Variants in PLCB4 observed in about 807,000 individuals in gnomAD.
PLCB4 encodes the protein 1-phosphatidylinositol 4,5-bisphosphate phosphodiesterase beta-4.
Under a neutral mutation model 178.8 loss-of-function variants are expected in PLCB4, and 77 were observed. The ratio of observed to expected loss-of-function variants is 0.43; its 90% confidence interval spans 0.36 to 0.52. PLCB4 has a LOEUF of 0.52. PLCB4 is among the 20% of genes least tolerant of loss of function. PLCB4 has a pLI of 0.00. For missense variants in PLCB4, 1,024 were observed against 1,453.4 expected (o/e 0.70, Z 4.80); for synonymous variants, 496 against 490.8 (o/e 1.01, Z -0.14).
At position 9,210,797 on chromosome 20, in the gene PLCB4, G is replaced by T. The variant is rs143846812; in HGVS notation, c.-78-6593G>T. ...CCTAGAGAATTAGTATATGGGGGCA[G>T]TTCCAGAGACTGAGAGAATTGGAGG... On this transcript the variant is annotated intron_variant, in intron 2 of 39. Coordinates refer to ENST00000378473, the MANE Select transcript of PLCB4 (RefSeq NM_001377142.1). 2.1e-3 allele frequency among the ~76,000 whole-genome samples: 316 copies of T among 152,304 alleles called. 1 individual carries two copies. The highest frequency in any genetic ancestry group is 7.0e-3 in the African/African-American group (292 of 41,568).
At chr20:9,415,603 T>A (rs2040186277) in intron 25 of PLCB4, among the ~76,000 whole-genome samples, 1 of 152,244 alleles carries the variant, frequency 6.6e-6, no homozygotes, top group Non-Finnish European at 1.5e-5. Context: ...CTTGGATCCC[T>A]GTCTTGGCAT....
intron 38 of PLCB4, among the ~76,000 whole-genome samples, chr20:9,476,135 C>A (rs1309759581): frequency 6.6e-6 from 1 of 152,202 alleles, no homozygotes; most frequent in African/African-American, 2.4e-5. Context: ...GTTGGGGGCA[C>A]TGGCAGAAAC....
intron 3 of PLCB4, among the ~76,000 whole-genome samples, chr20:9,276,107 A>T (rs1434933070): frequency 6.6e-6 from 1 of 152,082 alleles, no homozygotes; most frequent in Non-Finnish European, 1.5e-5. Flanking sequence ...AAAGAGGACC[A>T]CAAACATGTA....
intron 9 of PLCB4, among the ~76,000 whole-genome samples, chr20:9,369,244 A>C (rs888524101): frequency 1.3e-5 from 2 of 152,150 alleles, no homozygotes; most frequent in Non-Finnish European, 2.9e-5. Context: ...GGCATGTCCA[A>C]ACCTAACAGA....
At chr20:9,418,923 G>C (rs1344987349) in intron 25 of PLCB4, among the ~76,000 whole-genome samples, 4 of 151,978 alleles carry the variant, frequency 2.6e-5, no homozygotes, top group Non-Finnish European at 4.4e-5. Flanking sequence ...ATATTTTGCT[G>C]TTGTTATAGA....
At chr20:9,316,862 G>A (rs2094905441) in intron 4 of PLCB4, among the ~76,000 whole-genome samples, 1 of 152,142 alleles carries the variant, frequency 6.6e-6, no homozygotes, top group Non-Finnish European at 1.5e-5. Context: ...TGAAATAACA[G>A]TGCTGATAAT....
At chr20:9,283,842 T>C (rs980820362) in intron 3 of PLCB4, among the ~76,000 whole-genome samples, 1 of 151,740 alleles carries the variant, frequency 6.6e-6, no homozygotes, top group African/African-American at 2.4e-5. Context: ...CTTTATTCCC[T>C]TTCTATTATA....
chr20:9,407,526 C>T (rs2039537045), intron 21 of PLCB4, among the ~76,000 whole-genome samples: 1 of 152,098 alleles, frequency 6.6e-6, no homozygotes, highest in South Asian at 2.1e-4. Context: ...CACGCCACCA[C>T]ACCCAGCTAA....
At chr20:9,336,300 T>A (rs2032452927) in intron 4 of PLCB4, among the ~76,000 whole-genome samples, 1 of 152,188 alleles carries the variant, frequency 6.6e-6, no homozygotes, top group Non-Finnish European at 1.5e-5. Context: ...ATTTTTCCTC[T>A]CATTCCTAAG....
intron 7 of PLCB4, among the ~76,000 whole-genome samples, chr20:9,360,408 T>C (rs1412106852): frequency 6.6e-6 from 1 of 152,146 alleles, no homozygotes. Flanking sequence ...CTCTGTAATT[T>C]ATTTCGACAA....
intron 12 of PLCB4, among the ~76,000 whole-genome samples, chr20:9,375,046 G>A (rs2036556126): frequency 6.6e-6 from 1 of 152,084 alleles, no homozygotes; most frequent in South Asian, 2.1e-4. Context: ...CATAGGAACT[G>A]TAAGACTACT....
At chr20:9,276,087 C>A (rs1268707188) in intron 3 of PLCB4, among the ~76,000 whole-genome samples, 3 of 152,062 alleles carry the variant, frequency 2.0e-5, no homozygotes, top group Non-Finnish European at 4.4e-5. Context: ...GGTAGGCTAG[C>A]TGCTGTAACA....
At position 9,473,575 on chromosome 20, in the gene PLCB4, A is replaced by C. The variant is rs541765720; in HGVS notation, c.3495+210A>C. 1.7e-3 allele frequency among the ~76,000 whole-genome samples: 254 copies of C among 152,324 alleles called. 2 individuals carry two copies. In the South Asian group the frequency reaches 0.022, roughly 13 times the overall value. The stretch of plus-strand genomic sequence containing the variant: ...AGGAGCAGAATCTGGCTGTGCCAAA[A>C]AAAGAATATTTGGATAAATTATGGG... On this transcript the variant is annotated intron_variant, in intron 38 of 39. Coordinates refer to ENST00000378473, the MANE Select transcript of PLCB4 (RefSeq NM_001377142.1).
intron 2 of PLCB4, among the ~76,000 whole-genome samples, chr20:9,206,387 G>A (rs6118521): frequency 1.4e-5 from 2 of 147,382 alleles, no homozygotes; most frequent in African/African-American, 5.0e-5. Flanking sequence ...CATCAGGTTA[G>A]GCAGCAGAGG....
At chr20:9,308,202 A>G (rs1054819088) in intron 4 of PLCB4, among the ~76,000 whole-genome samples, 3 of 152,192 alleles carry the variant, frequency 2.0e-5, no homozygotes, top group Non-Finnish European at 2.9e-5. Flanking sequence ...TGGGTTTTAT[A>G]TAGTAACAGT....
chr20:9,233,370 G>C (rs1217330113), intron 3 of PLCB4, among the ~76,000 whole-genome samples: 4 of 152,042 alleles, frequency 2.6e-5, no homozygotes, highest in African/African-American at 9.7e-5. Flanking sequence ...TTGGAAGAGA[G>C]CAATGTACAA....
intron 3 of PLCB4, among the ~76,000 whole-genome samples, chr20:9,278,387 G>T (rs1037785644): frequency 6.6e-6 from 1 of 152,052 alleles, no homozygotes; most frequent in African/African-American, 2.4e-5. Flanking sequence ...CTGCATATAA[G>T]AGTGTACATT....
chr20:9,331,256 A>C (rs1479096911), intron 4 of PLCB4, among the ~76,000 whole-genome samples: 2 of 151,836 alleles, frequency 1.3e-5, no homozygotes, highest in Admixed American at 1.3e-4. Flanking sequence ...CTACGTCCTA[A>C]TGTATCTGTC....
At chr20:9,203,738 A>C (rs1368884238) in intron 2 of PLCB4, among the ~76,000 whole-genome samples, 2 of 151,482 alleles carry the variant, frequency 1.3e-5, no homozygotes, top group African/African-American at 4.9e-5. Flanking sequence ...CTCACTCCCA[A>C]AACCACTCTA....
Sources: allele counts gnomAD v4.1 joint callset (sites outside exome capture counted in the v4.1 genomes callset), GRCh38; gene constraint gnomAD v4.1.1; transcripts MANE v1.5; gene names NCBI Gene and HGNC (gene_info 2026-07-23, HGNC 2026-07-21).